The following MYO3B variants were observed in gnomAD, a reference collection of about 807,000 sequenced individuals.
MYO3B encodes myosin-IIIb.
A neutral mutation model predicts 174.6 loss-of-function variants in MYO3B; 156 were observed. The observed-to-expected ratio is 0.89, with a 90% CI of 0.78 to 1.02. The LOEUF is 1.02. Among genes scored for constraint, MYO3B ranks in the 50% least tolerant of loss-of-function variants. MYO3B has a pLI of 0.00. For missense variants in MYO3B, 1,632 were observed against 1,639.4 expected (o/e 1.00, Z 0.08); for synonymous variants, 563 against 569.1 (o/e 0.99, Z 0.15).
rs777413812 is a variant in MYO3B, at chr2:170,402,972, C to G, written c.2254C>G (p.Gln752Glu). The change falls in exon 19 of 35, where the codon CAG becomes GAG. Residue 752 changes from glutamine (Q) to glutamate (E), a missense_variant. Gln to Glu is a conservative substitution (Grantham distance 29, BLOSUM62 2). Coordinates refer to ENST00000408978, the MANE Select transcript of MYO3B (RefSeq NM_138995.5). ...ANEQIQYYFN[Q>E]HVFALEQMEY... Reference sequence around the variant, plus strand: ...TGAGCAAATCCAGTACTATTTCAATCAGCATGTTTTTGCTCTTGAGCAGGT... The same window carrying G: ...TGAGCAAATCCAGTACTATTTCAATGAGCATGTTTTTGCTCTTGAGCAGGT... 3 of 1,603,516 alleles carry G rather than the reference C, an allele frequency of 1.9e-6. No individual in the cohort carries two copies. In the African/African-American group the frequency reaches 4.0e-5, roughly 21 times the overall value.
intron 7 of MYO3B, among the ~76,000 whole-genome samples, chr2:170,284,559 G>C (rs1298949187): frequency 6.6e-6 from 1 of 152,036 alleles, no homozygotes; most frequent in Non-Finnish European, 1.5e-5. Context: ...AGGGAGAAAA[G>C]GAAAGGGAGC....
intron 30 of MYO3B, among the ~76,000 whole-genome samples, chr2:170,527,384 C>T (rs1484430743): frequency 6.6e-6 from 1 of 152,186 alleles, no homozygotes; most frequent in Admixed American, 6.5e-5. Context: ...AGTCTACAGA[C>T]ATGTTTTGTT....
intron 7 of MYO3B, among the ~76,000 whole-genome samples, chr2:170,247,088 C>T (rs1229967430): frequency 6.6e-6 from 1 of 152,204 alleles, no homozygotes; most frequent in Non-Finnish European, 1.5e-5. Flanking sequence ...ACTTCCTTTT[C>T]TATCCAGACT....
At chr2:170,651,781 G>A in intron 33 of MYO3B, 47 bp downstream of exon 33, 1 of 1,521,480 alleles carries the variant, frequency 6.6e-7, no homozygotes, top group South Asian at 1.1e-5. Flanking sequence ...TTTGTTTCCA[G>A]TTAATAATTC....
intron 25 of MYO3B, among the ~76,000 whole-genome samples, chr2:170,485,165 CCAG>C (rs1430416308): frequency 6.6e-6 from 1 of 151,930 alleles, no homozygotes; most frequent in East Asian, 1.9e-4. Flanking sequence ...GATTCTTTGA[CCAG>C]GATTTGGGCC....
intron 32 of MYO3B, among the ~76,000 whole-genome samples, chr2:170,632,009 GA>G (rs1483462877): frequency 1.3e-5 from 2 of 152,096 alleles, no homozygotes; most frequent in Non-Finnish European, 2.9e-5. Context: ...GACCCACAAG[GA>G]GACTTAGACT....
chr2:170,326,582 T>C (rs1247685891), intron 7 of MYO3B, among the ~76,000 whole-genome samples: 1 of 152,208 alleles, frequency 6.6e-6, no homozygotes, highest in African/African-American at 2.4e-5. Context: ...ACTTGTCCCC[T>C]CCATCATCTC....
intron 7 of MYO3B, among the ~76,000 whole-genome samples, chr2:170,263,761 T>TGCCTTCCTCTTATCTCAACTGCAAAGAG (rs879891319): frequency 7.9e-5 from 12 of 152,006 alleles, no homozygotes; most frequent in South Asian, 4.2e-4. Flanking sequence ...AGGAGACAGA[T>TGCCTTCCTCTTATCTCAACTGCAAAGAG]GCCTTCCTCT....
intron 13 of MYO3B, among the ~76,000 whole-genome samples, chr2:170,386,877 G>C (rs1289043297): frequency 1.3e-5 from 2 of 152,228 alleles, no homozygotes; most frequent in Non-Finnish European, 2.9e-5. Context: ...AATGAAATAT[G>C]GCTGGATTTT....
chr2:170,384,686 A>G (rs2094360537), intron 12 of MYO3B, among the ~76,000 whole-genome samples: 1 of 152,204 alleles, frequency 6.6e-6, no homozygotes, highest in Admixed American at 6.5e-5. Flanking sequence ...AAGTAAATGG[A>G]GAGAAATATA....
intron 8 of MYO3B, chr2:170,340,199 T>C (rs2093968456): frequency 6.6e-6 from 1 of 152,184 alleles, no homozygotes; most frequent in Admixed American, 6.5e-5. Flanking sequence ...TTGTGAGCTA[T>C]GCTTTCTCAT....
intron 22 of MYO3B, among the ~76,000 whole-genome samples, chr2:170,414,418 A>C (rs546211576): frequency 6.6e-6 from 1 of 152,226 alleles, no homozygotes; most frequent in Admixed American, 6.5e-5. Context: ...CGAACTCCTG[A>C]CCTCATGATC....
chr2:170,285,487 A>G (rs1401476501), intron 7 of MYO3B, among the ~76,000 whole-genome samples: 1 of 152,010 alleles, frequency 6.6e-6, no homozygotes, highest in Admixed American at 6.6e-5. Context: ...CAGCTTCCCA[A>G]GTAGCTGGGA....
At chr2:170,312,349 A>G (rs2093745809) in intron 7 of MYO3B, among the ~76,000 whole-genome samples, 1 of 152,242 alleles carries the variant, frequency 6.6e-6, no homozygotes, top group Non-Finnish European at 1.5e-5. Flanking sequence ...TTAATGGTCC[A>G]TTTACTTATC....
chr2:170,290,904 G>C (rs147811946), intron 7 of MYO3B, among the ~76,000 whole-genome samples: 2 of 151,930 alleles, frequency 1.3e-5, no homozygotes, highest in African/African-American at 4.8e-5. Flanking sequence ...GATATAACAG[G>C]TTACTTTAAA....
chr2:170,507,792 T>TC (rs1687708983), intron 28 of MYO3B, among the ~76,000 whole-genome samples: 1 of 152,162 alleles, frequency 6.6e-6, no homozygotes, highest in Non-Finnish European at 1.5e-5. Context: ...ATACCTTGTC[T>TC]GTGACAAGGC....
intron 25 of MYO3B, 78 bp from the exon 26 acceptor site, chr2:170,498,514 T>TC (rs1687024301): frequency 1.1e-6 from 1 of 931,742 alleles, no homozygotes; most frequent in Non-Finnish European, 1.7e-6. Context: ...ACAAGGTGTG[T>TC]CAATGGTCCC....
At chr2:170,450,644 CA>C (rs1045720712) in intron 23 of MYO3B, among the ~76,000 whole-genome samples, 4 of 151,652 alleles carry the variant, frequency 2.6e-5, no homozygotes, top group African/African-American at 9.7e-5. Context: ...AAATCTTTTT[CA>C]AAAGAGAAAA....
intron 32 of MYO3B, among the ~76,000 whole-genome samples, chr2:170,550,505 T>C (rs1690806696): frequency 6.6e-6 from 1 of 152,232 alleles, no homozygotes; most frequent in Admixed American, 6.5e-5. Context: ...TGAAAATCAC[T>C]GCTCTGGACA....
Sources: allele counts gnomAD v4.1 joint callset (sites outside exome capture counted in the v4.1 genomes callset), GRCh38; gene constraint gnomAD v4.1.1; transcripts MANE v1.5; gene names NCBI Gene and HGNC (gene_info 2026-07-23, HGNC 2026-07-21).